Variants in IKZF2 observed in about 807,000 individuals in gnomAD.
IKZF2 encodes the protein IKAROS family zinc finger 2.
Under a neutral mutation model 49.2 loss-of-function variants are expected in IKZF2, and 15 were observed. The ratio of observed to expected loss-of-function variants is 0.30; its 90% CI spans 0.20 to 0.47. The LOEUF (loss-of-function observed/expected upper bound fraction) is 0.47, where lower values mean the gene tolerates loss of function less well. Among genes scored for constraint, IKZF2 ranks in the 20% least tolerant of loss-of-function variants. The pLI is 1.00. For missense variants in IKZF2, 567 were observed against 664.6 expected (o/e 0.85, Z 1.61); for synonymous variants, 227 against 221.4 (o/e 1.03, Z -0.23).
rs10932462 is a variant in IKZF2 at position 213,101,798 on chromosome 2, T to C, written c.140-44699A>G. On this transcript the variant is annotated intron_variant, in intron 4 of 8. Transcript: ENST00000434687. Reference sequence around the variant, plus strand: ...GTTTGGTCCAAGATGCTAATGATAGTAGCTGTGGCAATCAAATCAGTAGCA... The same window carrying C: ...GTTTGGTCCAAGATGCTAATGATAGCAGCTGTGGCAATCAAATCAGTAGCA... Among the ~76,000 whole-genome samples, 1,309 of 152,306 alleles carry C rather than the reference T, an allele frequency of 8.6e-3. 8 individuals carry two copies. The highest frequency in any genetic ancestry group is 0.027 in the Middle Eastern group (8 of 294).
chr2:213,072,296 GTTT>G (rs377550534), intron 4 of IKZF2, among the ~76,000 whole-genome samples: 6 of 144,568 alleles, frequency 4.2e-5, no homozygotes, highest in African/African-American at 1.5e-4. Flanking sequence ...CCTTTCCTTT[GTTT>G]TTTTTTTTTT....
intron 4 of IKZF2, among the ~76,000 whole-genome samples, chr2:213,124,252 GCACA>G (rs66958263): frequency 0.086 from 11,636 of 135,770 alleles, 786 homozygotes; most frequent in African/African-American, 0.19. Context: ...GCGCGCGCGC[GCACA>G]CACACACACA....
At chr2:213,102,228 T>C (rs1706761437) in intron 4 of IKZF2, among the ~76,000 whole-genome samples, 1 of 152,164 alleles carries the variant, frequency 6.6e-6, no homozygotes, top group South Asian at 2.1e-4. Flanking sequence ...AAATATTGAC[T>C]ACTTTCTGTA....
At chr2:213,048,677 T>A (rs1700396293) in intron 6 of IKZF2, among the ~76,000 whole-genome samples, 1 of 152,108 alleles carries the variant, frequency 6.6e-6, no homozygotes, top group Non-Finnish European at 1.5e-5. Context: ...TGCATTAATT[T>A]AATTTTTTTG....
chr2:213,029,466 C>G (rs1249111338), intron 6 of IKZF2, among the ~76,000 whole-genome samples: 2 of 151,912 alleles, frequency 1.3e-5, no homozygotes, highest in Non-Finnish European at 2.9e-5. Context: ...ATTATGCCTC[C>G]AATGGCTACA....
At chr2:213,021,945 C>A in intron 7 of IKZF2, 48 bp downstream of exon 7, 2 of 1,467,000 alleles carry the variant, frequency 1.4e-6, no homozygotes, top group Non-Finnish European at 1.8e-6. Flanking sequence ...TGTTGAACTA[C>A]AAAAGCAGTA....
At chr2:213,088,037 G>A (rs1704857696) in intron 4 of IKZF2, among the ~76,000 whole-genome samples, 1 of 152,110 alleles carries the variant, frequency 6.6e-6, no homozygotes, top group African/African-American at 2.4e-5. Context: ...GGGATGGCTG[G>A]GTCAAATGAT....
rs1273980057 is a variant in IKZF2 at position 213,002,669 on chromosome 2, C to T, written c.*4691G>A. 1 of 151,894 alleles carries T rather than the reference C, an allele frequency of 6.6e-6. No homozygotes were observed. Among genetic ancestry groups the T allele is most frequent in the East Asian group, 1.9e-4 (1 of 5,174 alleles). The allele number at this position is 151,894 out of a possible 1,614,324, so 9.4% of individuals were successfully genotyped here. On this transcript the variant is annotated 3_prime_UTR_variant, in exon 9 of 9. Transcript: ENST00000434687. ...TTTGGAGAATAGCAATGTGATATGA[C>T]TGTTCAGTTTTGCTTTGTTCAAGGA...
At chr2:213,135,345 T>C (rs1559319449) in intron 4 of IKZF2, among the ~76,000 whole-genome samples, 1 of 152,200 alleles carries the variant, frequency 6.6e-6, no homozygotes, top group Non-Finnish European at 1.5e-5. Flanking sequence ...TGAATGAATA[T>C]TACTCATAAA....
intron 4 of IKZF2, among the ~76,000 whole-genome samples, chr2:213,091,957 CTTA>C (rs914726203): frequency 4.3e-4 from 65 of 150,490 alleles, no homozygotes; most frequent in Non-Finnish European, 7.4e-4. Flanking sequence ...AATTTATTTA[CTTA>C]TTATTTTTTG....
intron 4 of IKZF2, among the ~76,000 whole-genome samples, chr2:213,070,973 T>C (rs1702638671): frequency 6.6e-6 from 1 of 152,146 alleles, no homozygotes; most frequent in Non-Finnish European, 1.5e-5. Context: ...CTAGTGAAGG[T>C]GCATTTAGTT....
At chr2:213,111,901 TTTG>T (rs1461240980) in intron 4 of IKZF2, among the ~76,000 whole-genome samples, 1 of 152,196 alleles carries the variant, frequency 6.6e-6, no homozygotes, top group Non-Finnish European at 1.5e-5. Context: ...ATAAATTTCT[TTTG>T]TTAATAACAA....
At chr2:213,015,923 A>G (rs917724558) in intron 7 of IKZF2, among the ~76,000 whole-genome samples, 1 of 152,036 alleles carries the variant, frequency 6.6e-6, no homozygotes, top group Non-Finnish European at 1.5e-5. Context: ...CTGAATTTTC[A>G]TATTTGAACG....
intron 4 of IKZF2, among the ~76,000 whole-genome samples, chr2:213,105,295 A>G (rs1223915371): frequency 1.3e-5 from 2 of 152,028 alleles, no homozygotes; most frequent in African/African-American, 4.8e-5. Context: ...CGAAGATCCA[A>G]TCCTCTTCTC....
At chr2:213,072,183 CT>C (rs1443257868) in intron 4 of IKZF2, among the ~76,000 whole-genome samples, 1 of 151,934 alleles carries the variant, frequency 6.6e-6, no homozygotes, top group Non-Finnish European at 1.5e-5. Context: ...ATTAAAATCT[CT>C]TTTCTCTTCC....
At chr2:213,058,407 C>T (rs1213160559) in intron 4 of IKZF2, among the ~76,000 whole-genome samples, 3 of 151,896 alleles carry the variant, frequency 2.0e-5, no homozygotes, top group East Asian at 1.9e-4. Context: ...ATAATGGTAC[C>T]GACTTCCTAT....
At chr2:213,140,843 C>T (rs1297253705) in intron 4 of IKZF2, among the ~76,000 whole-genome samples, 3 of 151,928 alleles carry the variant, frequency 2.0e-5, no homozygotes, top group Non-Finnish European at 4.4e-5. Flanking sequence ...ATTACTTAGA[C>T]ATGAATGTTT....
intron 4 of IKZF2, among the ~76,000 whole-genome samples, chr2:213,077,453 A>G (rs1703392918): frequency 1.3e-5 from 2 of 152,164 alleles, no homozygotes; most frequent in Non-Finnish European, 2.9e-5. Flanking sequence ...TCAATCAACA[A>G]AATGAATGAA....
intron 4 of IKZF2, among the ~76,000 whole-genome samples, chr2:213,137,950 G>T (rs1341328620): frequency 1.3e-5 from 2 of 152,048 alleles, no homozygotes; most frequent in Non-Finnish European, 2.9e-5. Context: ...ATAGACAAGG[G>T]TAAGGAGAAC....
Sources: gnomAD v4.1 joint callset for allele counts (sites outside exome capture counted in the v4.1 genomes callset) on GRCh38, gnomAD v4.1.1 for gene constraint, MANE v1.5 for transcripts, NCBI Gene and HGNC (gene_info 2026-07-23, HGNC 2026-07-21) for gene names.